Variants in CDH13 observed in about 807,000 individuals in gnomAD.
CDH13 encodes the protein cadherin-13.
In CDH13, 24 loss-of-function variants were observed where a neutral mutation model predicts 63.8. The observed-to-expected ratio is 0.38, with a 90% confidence interval of 0.27 to 0.53. The LOEUF (loss-of-function observed/expected upper bound fraction) is 0.53. Ranked by LOEUF, CDH13 falls within the 20% of genes least tolerant of loss-of-function variation. CDH13 has a pLI of 0.85. For missense variants in CDH13, 1,049 were observed against 903.1 expected, an observed-to-expected ratio of 1.16 and a Z score of -2.07; for synonymous variants, 503 against 355.3, an observed-to-expected ratio of 1.42 and a Z score of -4.67.
At chr16:83,170,914 G>A (rs960991689) in intron 4 of CDH13, among the ~76,000 whole-genome samples, 2 of 151,852 alleles carry the variant, frequency 1.3e-5, no homozygotes, top group Admixed American at 1.3e-4. Flanking sequence ...AATTGACAAA[G>A]TTTTGCCTTG....
intron 6 of CDH13, among the ~76,000 whole-genome samples, chr16:83,399,939 A>T (rs1163355196): frequency 6.6e-6 from 1 of 152,226 alleles, no homozygotes; most frequent in African/African-American, 2.4e-5. Context: ...ATAGGACATT[A>T]TAAGAACAAA....
intron 1 of CDH13, among the ~76,000 whole-genome samples, chr16:82,748,888 T>C (rs1279560880): frequency 1.3e-5 from 2 of 152,212 alleles, no homozygotes; most frequent in Admixed American, 6.5e-5. Context: ...GCCTTGGTCA[T>C]CCCAACAGAT....
chr16:83,392,866 C>T (rs1035304985), intron 6 of CDH13, among the ~76,000 whole-genome samples: 6 of 151,554 alleles, frequency 4.0e-5, no homozygotes, highest in African/African-American at 1.5e-4. Context: ...GGAGGTGGGC[C>T]TGAGCCGCCC....
chr16:82,845,724 G>A (rs2039228058), intron 1 of CDH13, among the ~76,000 whole-genome samples: 1 of 151,994 alleles, frequency 6.6e-6, no homozygotes. Flanking sequence ...TTGACTTAAG[G>A]GAAACAGGTA....
At chr16:82,745,820 C>A (rs74030813) in intron 1 of CDH13, among the ~76,000 whole-genome samples, 1 of 152,004 alleles carries the variant, frequency 6.6e-6, no homozygotes, top group South Asian at 2.1e-4. Context: ...TTCTTTTAGT[C>A]CCCTCCAGTT....
chr16:83,758,906 A>T (rs374966237), intron 11 of CDH13, among the ~76,000 whole-genome samples: 1 of 152,218 alleles, frequency 6.6e-6, no homozygotes, highest in African/African-American at 2.4e-5. Flanking sequence ...ATTAACGGAG[A>T]GATATACCAT....
chr16:83,328,827 T>G (rs2090424367), intron 5 of CDH13, among the ~76,000 whole-genome samples: 1 of 152,094 alleles, frequency 6.6e-6, no homozygotes, highest in African/African-American at 2.4e-5. Flanking sequence ...AGTATCTTAG[T>G]TTGAAATGCT....
intron 1 of CDH13, among the ~76,000 whole-genome samples, chr16:82,648,604 A>G (rs1425089361): frequency 2.0e-5 from 3 of 152,192 alleles, no homozygotes; most frequent in Non-Finnish European, 4.4e-5. Flanking sequence ...ATAAAGAAAA[A>G]GAAGGGTGGA....
intron 6 of CDH13, among the ~76,000 whole-genome samples, chr16:83,386,186 A>G (rs1200126409): frequency 6.6e-6 from 1 of 152,252 alleles, no homozygotes; most frequent in South Asian, 2.1e-4. Context: ...TCAGAATCCC[A>G]TGGAAATCTT....
intron 7 of CDH13, among the ~76,000 whole-genome samples, chr16:83,589,790 C>T (rs562408251): frequency 1.3e-5 from 2 of 152,248 alleles, no homozygotes; most frequent in African/African-American, 4.8e-5. Flanking sequence ...CCGTGCCATA[C>T]AGCCAGGGCT....
chr16:83,772,735 C>T (rs1914841311), intron 11 of CDH13: 2 of 152,230 alleles, frequency 1.3e-5, no homozygotes, highest in African/African-American at 4.8e-5. Flanking sequence ...TTTTGGAACC[C>T]TCCTTTCATG....
At chr16:83,528,645 C>G (rs551692003) in intron 7 of CDH13, among the ~76,000 whole-genome samples, 5 of 152,214 alleles carry the variant, frequency 3.3e-5, no homozygotes, top group African/African-American at 9.7e-5. Context: ...TTCCATCTAT[C>G]TCTAAATTTC....
chr16:82,816,802 T>G (rs771766542), intron 1 of CDH13, among the ~76,000 whole-genome samples: 16 of 111,360 alleles, frequency 1.4e-4, no homozygotes, highest in Admixed American at 1.0e-3. Flanking sequence ...GCTAGAAACT[T>G]CGGGGGGCGG....
intron 1 of CDH13, among the ~76,000 whole-genome samples, chr16:82,695,259 C>T (rs936184909): frequency 6.6e-6 from 1 of 152,196 alleles, no homozygotes; most frequent in Non-Finnish European, 1.5e-5. Flanking sequence ...ATCTCAAAGT[C>T]TCCCTCTGTG....
chr16:82,698,958 A>G (rs959232358), intron 1 of CDH13, among the ~76,000 whole-genome samples: 2 of 152,162 alleles, frequency 1.3e-5, no homozygotes, highest in Admixed American at 6.5e-5. Flanking sequence ...ATGTAAAAAA[A>G]CAGAGATATT....
At chr16:83,086,019 C>G (rs56258850) in intron 3 of CDH13, among the ~76,000 whole-genome samples, 9,480 of 152,234 alleles carry the variant, frequency 0.062, 329 homozygotes, top group Non-Finnish European at 0.067. Context: ...CCTTCTACAG[C>G]TAAGGCAGGT....
chr16:83,656,130 T>C (rs1294965939), intron 8 of CDH13, among the ~76,000 whole-genome samples: 1 of 152,216 alleles, frequency 6.6e-6, no homozygotes, highest in East Asian at 1.9e-4. Flanking sequence ...TAAGTCTGTT[T>C]TCTGTCTGTC....
rs564794166 is a variant in CDH13 at position 83,570,603 on chromosome 16, C to T, written c.961-31851C>T. Among the ~76,000 whole-genome samples, 21 of 151,526 alleles carry T rather than the reference C, an allele frequency of 1.4e-4. No individual in the cohort carries two copies. In the East Asian group the frequency reaches 2.5e-3, roughly 18 times the overall value. On this transcript the variant is annotated intron_variant, in intron 7 of 13. Coordinates refer to ENST00000567109, the MANE Select transcript of CDH13 (RefSeq NM_001257.5). Reference sequence around the variant, plus strand: ...CAGTGTATGCAATCACTGGAAAAGACGGCTGGGGAGCTCAACAGCAGGAGA... The same window carrying T: ...CAGTGTATGCAATCACTGGAAAAGATGGCTGGGGAGCTCAACAGCAGGAGA...
intron 1 of CDH13, among the ~76,000 whole-genome samples, chr16:82,769,750 A>G (rs1444776479): frequency 2.6e-5 from 4 of 152,236 alleles, no homozygotes; most frequent in South Asian, 4.1e-4. Context: ...TGGTGAATCA[A>G]TGTGTTTCCA....
Sources: allele counts gnomAD v4.1 joint callset (sites outside exome capture counted in the v4.1 genomes callset), GRCh38; gene constraint gnomAD v4.1.1; transcripts MANE v1.5; gene names NCBI Gene and HGNC (gene_info 2026-07-23, HGNC 2026-07-21).